The following PIP5K1C variants were observed in gnomAD, a reference collection of about 807,000 sequenced individuals.
The protein encoded by PIP5K1C is phosphatidylinositol 4-phosphate 5-kinase type-1 gamma.
Under a neutral mutation model 80.1 loss-of-function variants are expected in PIP5K1C, and 45 were observed. The observed-to-expected ratio is 0.56, with a 90% CI of 0.44 to 0.72. PIP5K1C has a LOEUF of 0.72. Among genes scored for constraint, PIP5K1C ranks in the 30% least tolerant of loss-of-function variants. The pLI is 0.00. For missense variants in PIP5K1C, 753 were observed against 954.6 expected (o/e 0.79, Z 2.78); for synonymous variants, 498 against 420.1 (o/e 1.19, Z -2.27).
intron 1 of PIP5K1C, among the ~76,000 whole-genome samples, chr19:3,669,277 T>G (rs903056198): frequency 6.6e-6 from 1 of 152,130 alleles, no homozygotes; most frequent in African/African-American, 2.4e-5. Flanking sequence ...GGCTCGGCCC[T>G]CTGGCTGCCT....
At chr19:3,690,957 C>G (rs567663987) in intron 1 of PIP5K1C, among the ~76,000 whole-genome samples, 1 of 152,110 alleles carries the variant, frequency 6.6e-6, no homozygotes, top group Non-Finnish European at 1.5e-5. Flanking sequence ...TCGGTGGTGA[C>G]CCCGTCTCCC....
intron 1 of PIP5K1C, among the ~76,000 whole-genome samples, chr19:3,678,649 T>G (rs1600066593): frequency 7.7e-5 from 5 of 65,072 alleles, no homozygotes; most frequent in South Asian, 5.9e-4. Context: ...GAGGGAGAGA[T>G]GGAGAGATGG....
chr19:3,695,505 C>T (rs2036074686), intron 1 of PIP5K1C, among the ~76,000 whole-genome samples: 2 of 152,230 alleles, frequency 1.3e-5, no homozygotes, highest in South Asian at 4.1e-4. Context: ...ACCGAGGCTG[C>T]ACATCCCCGG....
chr19:3,678,482 GGGA>G, intron 1 of PIP5K1C, among the ~76,000 whole-genome samples: 1 of 126,374 alleles, frequency 7.9e-6, no homozygotes, highest in Admixed American at 7.7e-5. Flanking sequence ...GGATGGAGGA[GGGA>G]TGGAGGCAAG....
intron 1 of PIP5K1C, among the ~76,000 whole-genome samples, chr19:3,683,320 GGGCACAGTGGGCTT>G (rs921276988): frequency 9.8e-5 from 15 of 152,312 alleles, no homozygotes; most frequent in South Asian, 8.3e-4. Context: ...TCTGGGTCCA[GGGCACAGTGGGCTT>G]GGCTCAGGAG....
At chr19:3,638,786 T>C (rs1454338262) in intron 16 of PIP5K1C, 98 bp downstream of exon 16, 4 of 1,481,162 alleles carry the variant, frequency 2.7e-6, no homozygotes, top group Non-Finnish European at 3.7e-6. Context: ...CTCACGTGCC[T>C]GTGTGCAGGT....
intron 1 of PIP5K1C, among the ~76,000 whole-genome samples, chr19:3,683,350 C>T (rs931522352): frequency 2.0e-5 from 3 of 152,090 alleles, no homozygotes; most frequent in East Asian, 1.9e-4. Flanking sequence ...AGGAGGGAAA[C>T]GGGGTTGGAT....
At chr19:3,689,500 T>C (rs1481901479) in intron 1 of PIP5K1C, among the ~76,000 whole-genome samples, 1 of 151,788 alleles carries the variant, frequency 6.6e-6, no homozygotes, top group Non-Finnish European at 1.5e-5. Context: ...AATACAAAAA[T>C]TAGCCGGGTG....
intron 15 of PIP5K1C, among the ~76,000 whole-genome samples, chr19:3,639,502 G>GCT (rs1262461333): frequency 6.6e-6 from 1 of 152,160 alleles, no homozygotes; most frequent in African/African-American, 2.4e-5. Flanking sequence ...TGTCATCACG[G>GCT]CTCACTACAG....
chr19:3,699,305 G>A (rs1198442226), intron 1 of PIP5K1C, among the ~76,000 whole-genome samples: 3 of 150,330 alleles, frequency 2.0e-5, no homozygotes, highest in Non-Finnish European at 4.4e-5. Flanking sequence ...GCCGCCGGGA[G>A]GGAAGCCACG....
intron 1 of PIP5K1C, among the ~76,000 whole-genome samples, chr19:3,682,558 G>A (rs28728186): frequency 0.19 from 28,967 of 151,802 alleles, 3,094 homozygotes; most frequent in African/African-American, 0.28. Context: ...GCGTGGTGAC[G>A]TGTGCCTGTA....
chr19:3,683,188 C>T (rs1019243678), intron 1 of PIP5K1C, among the ~76,000 whole-genome samples: 3 of 152,274 alleles, frequency 2.0e-5, no homozygotes, highest in South Asian at 4.1e-4. Flanking sequence ...CCCTCTGAGG[C>T]CATGAGCCCG....
At chr19:3,676,342 C>T (rs911859999) in intron 1 of PIP5K1C, among the ~76,000 whole-genome samples, 22 of 152,338 alleles carry the variant, frequency 1.4e-4, no homozygotes, top group Admixed American at 2.0e-4. Flanking sequence ...CCGCGGTCCC[C>T]GGCACCCACC....
intron 10 of PIP5K1C, among the ~76,000 whole-genome samples, chr19:3,646,422 G>A (rs538211710): frequency 6.6e-6 from 1 of 152,176 alleles, no homozygotes; most frequent in Non-Finnish European, 1.5e-5. Context: ...ATGTGATCTC[G>A]GCCTCCCAGA....
intron 11 of PIP5K1C, among the ~76,000 whole-genome samples, chr19:3,645,015 G>A (rs561801109): frequency 1.3e-5 from 2 of 152,256 alleles, no homozygotes; most frequent in South Asian, 2.1e-4. Flanking sequence ...CAGGCTCAAC[G>A]GCTGGCTCTC....
intron 15 of PIP5K1C, among the ~76,000 whole-genome samples, 153 bp from the exon 16 acceptor site, chr19:3,639,169 C>T (rs1217350928): frequency 2.0e-5 from 3 of 152,206 alleles, no homozygotes; most frequent in Non-Finnish European, 4.4e-5. Flanking sequence ...CCTGCGCTGC[C>T]ATTTATCGCA....
intron 6 of PIP5K1C, among the ~76,000 whole-genome samples, chr19:3,655,862 C>T (rs1204085971): frequency 2.0e-5 from 3 of 152,222 alleles, no homozygotes; most frequent in Non-Finnish European, 4.4e-5. Context: ...TGGCAGCCGC[C>T]GGCTCCTACT....
rs1366836838 is a variant in PIP5K1C at position 3,661,858 on chromosome 19, G to C, written c.350+13C>G. 5 of 1,610,578 alleles carry C rather than the reference G, an allele frequency of 3.1e-6. No individual in the cohort carries two copies. The African/African-American group carries it at 5.3e-5, about 17-fold the overall frequency. Reference sequence around the variant, plus strand: ...TGCTGGGTGAGCCCTGAGGCTCCGGGGGCCCGGCCCACCTGGGGAAGAAGA... The same window carrying C: ...TGCTGGGTGAGCCCTGAGGCTCCGGCGGCCCGGCCCACCTGGGGAAGAAGA... On this transcript the variant is annotated intron_variant, in intron 4 of 17. Coordinates refer to ENST00000335312, the MANE Select transcript of PIP5K1C (RefSeq NM_012398.3).
At position 3,688,978 on chromosome 19, in the gene PIP5K1C, C is replaced by G. The variant is rs964528298; in HGVS notation, c.94+11319G>C. Among the ~76,000 whole-genome samples, 1 of 152,142 alleles carries G rather than the reference C, an allele frequency of 6.6e-6. No homozygotes were observed. On this transcript the variant is annotated intron_variant, in intron 1 of 17. Transcript: ENST00000335312. This position sits in a 1 kb window ranked among gnomAD's most constrained non-coding sequence, Gnocchi z 5.3. ...GGGGGTGGGGGGGGCTTGGCGCACGCGGCCTATGGTCTGTGAGCTCCCTGT... is the reference window on the plus strand; with the variant it reads ...GGGGGTGGGGGGGGCTTGGCGCACGGGGCCTATGGTCTGTGAGCTCCCTGT...
Sources: allele counts gnomAD v4.1 joint callset (sites outside exome capture counted in the v4.1 genomes callset), GRCh38; gene constraint gnomAD v4.1.1; non-coding constraint Gnocchi (gnomAD v3.1); transcripts MANE v1.5; gene names NCBI Gene and HGNC (gene_info 2026-07-23, HGNC 2026-07-21).